Variants in PLEKHG4B observed in about 807,000 individuals in gnomAD.
The protein encoded by PLEKHG4B is pleckstrin homology domain-containing family G member 4B.
In PLEKHG4B, 111 loss-of-function variants were observed where a neutral mutation model predicts 121.3. The observed-to-expected ratio is 0.92, with a 90% CI of 0.78 to 1.07. The LOEUF (loss-of-function observed/expected upper bound fraction) is 1.07. Among genes scored for constraint, PLEKHG4B ranks in the 50% least tolerant of loss-of-function variants. The pLI is 0.00. For missense variants in PLEKHG4B, 1,831 were observed against 1,757.8 expected, an observed-to-expected ratio of 1.04 and a Z score of -0.74; for synonymous variants, 738 against 725.0, an observed-to-expected ratio of 1.02 and a Z score of -0.29.
In PLEKHG4B at chr5:156,756, T is replaced by C; in HGVS notation, c.2349-17T>C. The stretch of plus-strand genomic sequence containing the variant: ...AGGGGCCGCCTGGAAGCCTGAGGAC[T>C]GCCTTCTCTTCCTCAGGGACACCCT... On this transcript the variant is annotated splice_polypyrimidine_tract_variant and intron_variant, in intron 10 of 19. Transcript: ENST00000637938. This position sits in a 1 kb window ranked among gnomAD's most constrained non-coding sequence, Gnocchi z 4.4. The C allele has an allele frequency of 3.2e-6, 5 of 1,543,384 alleles. No homozygotes were observed. The South Asian group carries it at 6.0e-5, about 18-fold the overall frequency.
chr5:168,865 C>A (rs201633448), intron 13 of PLEKHG4B, among the ~76,000 whole-genome samples: 2 of 100,414 alleles, frequency 2.0e-5, no homozygotes, highest in East Asian at 2.5e-4. Flanking sequence ...GAAGATTATT[C>A]TTTTTTTTTT....
Position 159,546 on chromosome 5 carries a change from A to G in PLEKHG4B, c.2488-2237A>G, listed in dbSNP as rs182940941. 1.3e-5 allele frequency among the ~76,000 whole-genome samples: 2 copies of G among 151,912 alleles called. No homozygotes were observed. The highest frequency in any genetic ancestry group is 3.9e-4 in the East Asian group (2 of 5,160). On this transcript the variant is annotated intron_variant, in intron 11 of 19. Coordinates refer to ENST00000637938, the MANE Select transcript of PLEKHG4B (RefSeq NM_052909.5). The surrounding 1 kb of genome is among the most constrained non-coding windows in gnomAD (Gnocchi z 5.5). Reference sequence around the variant, plus strand: ...TTTTTTGTTTCTGCTCTTGCTTTTTAACTCCATGGGCTTATTTTCTGAACA... The same window carrying G: ...TTTTTTGTTTCTGCTCTTGCTTTTTGACTCCATGGGCTTATTTTCTGAACA...
chr5:173,716 T>C (rs1266752676), intron 17 of PLEKHG4B, among the ~76,000 whole-genome samples: 3 of 151,852 alleles, frequency 2.0e-5, no homozygotes, highest in African/African-American at 7.3e-5. Flanking sequence ...ACAGCTATCC[T>C]GCACACAGGC....
chr5:102,693 G>A (rs1330174051), intron 1 of PLEKHG4B, among the ~76,000 whole-genome samples: 1 of 152,218 alleles, frequency 6.6e-6, no homozygotes, highest in Non-Finnish European at 1.5e-5. Flanking sequence ...AGCCAATTAA[G>A]CATCTTTTCT....
At chr5:145,394 C>T (rs1735374172) in intron 6 of PLEKHG4B, among the ~76,000 whole-genome samples, 1 of 152,202 alleles carries the variant, frequency 6.6e-6, no homozygotes, top group Non-Finnish European at 1.5e-5. Flanking sequence ...TGGGGACGAA[C>T]CTGGCAGCCC....
Position 156,381 on chromosome 5 carries a change from C to A in PLEKHG4B, c.2348+171C>A, listed in dbSNP as rs1412038378. On this transcript the variant is annotated intron_variant, in intron 10 of 19. Coordinates refer to ENST00000637938, the MANE Select transcript of PLEKHG4B (RefSeq NM_052909.5). The surrounding 1 kb of genome is among the most constrained non-coding windows in gnomAD (Gnocchi z 4.4). ...CTGGGTCAGAGCTTTTCCACATTTA[C>A]AGGCTCCAAAGATCAAGGAGCCAGC... Among the ~76,000 whole-genome samples, 1 of 151,284 alleles carries A rather than the reference C, an allele frequency of 6.6e-6. No individual in the cohort carries two copies. Among genetic ancestry groups the A allele is most frequent in the African/African-American group, 2.4e-5 (1 of 41,192 alleles).
intron 1 of PLEKHG4B, among the ~76,000 whole-genome samples, chr5:96,296 A>G (rs1733624819): frequency 2.0e-5 from 3 of 152,226 alleles, no homozygotes; most frequent in Admixed American, 1.3e-4. Context: ...GTTAGCTATC[A>G]TTCTATGATT....
intron 3 of PLEKHG4B, among the ~76,000 whole-genome samples, chr5:142,465 C>T (rs556233772): frequency 6.6e-6 from 1 of 151,876 alleles, no homozygotes; most frequent in East Asian, 1.9e-4. Flanking sequence ...CACACAATCA[C>T]ATGCTCCAGA....
intron 17 of PLEKHG4B, 106 bp downstream of exon 17, chr5:173,173 A>T: frequency 9.2e-7 from 1 of 1,092,880 alleles, no homozygotes; most frequent in African/African-American, 1.6e-5. Flanking sequence ...GAGGGAGTGA[A>T]GCGGGGAGGA....
At chr5:100,894 T>G (rs1265626892) in intron 1 of PLEKHG4B, among the ~76,000 whole-genome samples, 1 of 108,644 alleles carries the variant, frequency 9.2e-6, no homozygotes, top group Non-Finnish European at 1.8e-5. Context: ...GAGAGACTGT[T>G]GTGAGGTTAA....
intron 2 of PLEKHG4B, among the ~76,000 whole-genome samples, chr5:133,941 C>CACACATAT (rs34900477): frequency 1.4e-4 from 20 of 146,288 alleles, no homozygotes; most frequent in Non-Finnish European, 2.2e-4. Flanking sequence ...CACACACACA[C>CACACATAT]ATATATATAT....
chr5:184,187 G>A lies in PLEKHG4B; in HGVS notation c.*1864G>A, dbSNP rs1733542669. The stretch of plus-strand genomic sequence containing the variant: ...CCTCAGAGCCAGGGAAGCCAGTGGT[G>A]TAATTCTCAGAGGCCAAAGGCCTGA... On this transcript the variant is annotated 3_prime_UTR_variant, in exon 20 of 20. Transcript: ENST00000637938. 1 of 152,188 alleles carries A rather than the reference G, an allele frequency of 6.6e-6. No homozygotes were observed. The allele number at this position is 152,188 out of a possible 1,614,324, so 9.4% of individuals were successfully genotyped here.
At chr5:109,690 A>G (rs933190707) in intron 1 of PLEKHG4B, among the ~76,000 whole-genome samples, 1 of 152,230 alleles carries the variant, frequency 6.6e-6, no homozygotes, top group Non-Finnish European at 1.5e-5. Flanking sequence ...TTTAAAGTTA[A>G]TTGGGAAAAT....
At chr5:151,679 G>C in intron 7 of PLEKHG4B, 80 bp downstream of exon 7, 1 of 942,404 alleles carries the variant, frequency 1.1e-6, no homozygotes, top group Non-Finnish European at 1.6e-6. Flanking sequence ...AACACATGAA[G>C]GAATTTAGAT....
Position 156,333 on chromosome 5 carries a change from C to T in PLEKHG4B, c.2348+123C>T. On this transcript the variant is annotated intron_variant, in intron 10 of 19. Transcript: ENST00000637938. The surrounding 1 kb of genome is among the most constrained non-coding windows in gnomAD (Gnocchi z 4.4). ...CCCCCTCTGTGCTTGGTCCAGACCT[C>T]CATTCTGACAGCCACGCTTTGCCTG... 1 of 1,083,074 alleles carries T rather than the reference C, an allele frequency of 9.2e-7. No individual in the cohort carries two copies. The highest frequency in any genetic ancestry group is 1.2e-6 in the Non-Finnish European group (1 of 828,432). The allele number at this position is 1,083,074 out of a possible 1,614,324, so 67.1% of individuals were successfully genotyped here.
rs898655767 is a variant in PLEKHG4B at position 174,171 on chromosome 5, G to A, written c.4402+73G>A. 5.9e-6 allele frequency: 7 copies of A among 1,191,512 alleles called. 1 individual carries two copies. The highest frequency in any genetic ancestry group is 5.1e-5 in the Admixed American group (2 of 39,544). 73.8% of individuals were successfully genotyped at this position (1,191,512 alleles called of 1,614,324 possible). A position where few individuals can be genotyped will look rare whatever the true frequency, so the allele number is the denominator to read the frequency against. On this transcript the variant is annotated intron_variant, in intron 18 of 19. Transcript: ENST00000637938. Reference sequence around the variant, plus strand: ...AGGGGCAGGGGTCGGGGCTGGGACTGGGGTGAGAGCCAGGGGCTGAGTCCA... The same window carrying A: ...AGGGGCAGGGGTCGGGGCTGGGACTAGGGTGAGAGCCAGGGGCTGAGTCCA...
In PLEKHG4B at chr5:182,334, G is replaced by T. The variant is rs2126469735; in HGVS notation, c.*11G>T. 1.3e-6 allele frequency: 2 copies of T among 1,580,510 alleles called. No individual in the cohort carries two copies. Among genetic ancestry groups the T allele is most frequent in the East Asian group, 4.6e-5 (2 of 43,202 alleles). The stretch of plus-strand genomic sequence containing the variant: ...ACACGCCAGGCCTGATGACTGTCAG[G>T]GTGGCAGTGCCCATCATGTGGCTAG... On this transcript the variant is annotated 3_prime_UTR_variant, in exon 20 of 20. Coordinates refer to ENST00000637938, the MANE Select transcript of PLEKHG4B (RefSeq NM_052909.5).
chr5:182,351 T>G lies in PLEKHG4B; in HGVS notation c.*28T>G. 1 of 1,559,142 alleles carries G rather than the reference T, an allele frequency of 6.4e-7. No homozygotes were observed. The highest frequency in any genetic ancestry group is 2.4e-5 in the East Asian group (1 of 42,060). On this transcript the variant is annotated 3_prime_UTR_variant, in exon 20 of 20. Coordinates refer to ENST00000637938, the MANE Select transcript of PLEKHG4B (RefSeq NM_052909.5). The stretch of plus-strand genomic sequence containing the variant: ...ACTGTCAGGGTGGCAGTGCCCATCA[T>G]GTGGCTAGAACAATACAGAGGGAGC...
chr5:132,710 TGGGTGTATTTCC>T (rs1734813869), intron 2 of PLEKHG4B, among the ~76,000 whole-genome samples: 1 of 152,212 alleles, frequency 6.6e-6, no homozygotes, highest in Non-Finnish European at 1.5e-5. Flanking sequence ...TGTAAATATT[TGGGTGTATTTCC>T]GGGTTCTCTA....
Sources: allele counts gnomAD v4.1 joint callset (sites outside exome capture counted in the v4.1 genomes callset), GRCh38; gene constraint gnomAD v4.1.1; non-coding constraint Gnocchi (gnomAD v3.1); transcripts MANE v1.5; gene names NCBI Gene and HGNC (gene_info 2026-07-23, HGNC 2026-07-21).